Variants in ABI3BP observed in about 807,000 individuals in gnomAD.
ABI3BP encodes the protein ABI family member 3 binding protein.
A neutral mutation model predicts 268.6 loss-of-function variants in ABI3BP; 216 were observed. The ratio of observed to expected loss-of-function variants is 0.80; its 90% confidence interval spans 0.72 to 0.90. The LOEUF (loss-of-function observed/expected upper bound fraction) is 0.90. Ranked by LOEUF, ABI3BP falls within the 40% of genes least tolerant of loss-of-function variation. ABI3BP has a pLI of 0.00. For missense variants in ABI3BP, 2,090 were observed against 2,182.4 expected (o/e 0.96, Z 0.84); for synonymous variants, 730 against 730.0 (o/e 1.00, Z 0.00).
intron 1 of ABI3BP, among the ~76,000 whole-genome samples, chr3:100,956,790 G>T (rs1584865353): frequency 6.6e-6 from 1 of 152,308 alleles, no homozygotes. Flanking sequence ...AACAGATCAT[G>T]ATAATAATGG....
At chr3:100,779,799 G>A (rs937706360) in intron 58 of ABI3BP, among the ~76,000 whole-genome samples, 3 of 152,072 alleles carry the variant, frequency 2.0e-5, no homozygotes, top group Non-Finnish European at 4.4e-5. Context: ...AATTACACAA[G>A]AGCAGAACTT....
chr3:100,861,765 G>A (rs985298230), intron 14 of ABI3BP, among the ~76,000 whole-genome samples: 2 of 151,686 alleles, frequency 1.3e-5, no homozygotes, highest in Admixed American at 6.6e-5. Context: ...GTAGAGGAAA[G>A]TAGCCATCAC....
chr3:100,843,948 G>A, intron 20 of ABI3BP: 1 of 985,240 alleles, frequency 1.0e-6, no homozygotes, highest in Non-Finnish European at 1.2e-6. Flanking sequence ...GCATTTTTGA[G>A]TTCCTGGCTG....
At chr3:100,830,334 T>C (rs1326556440) in intron 32 of ABI3BP, among the ~76,000 whole-genome samples, 2 of 151,480 alleles carry the variant, frequency 1.3e-5, no homozygotes, top group African/African-American at 4.9e-5. Flanking sequence ...AAATGTTATG[T>C]GGGGGCAAGA....
chr3:100,895,044 G>A (rs1330620110), intron 4 of ABI3BP, among the ~76,000 whole-genome samples: 1 of 148,494 alleles, frequency 6.7e-6, no homozygotes, highest in Admixed American at 6.7e-5. Context: ...GCTTTAATAC[G>A]CTGGCAAAAG....
chr3:100,977,881 T>C (rs2153931657), intron 1 of ABI3BP, among the ~76,000 whole-genome samples: 1 of 152,162 alleles, frequency 6.6e-6, no homozygotes, highest in East Asian at 1.9e-4. Context: ...TTACAAAGTA[T>C]GAGATTTTTC....
At chr3:100,885,195 ATGT>A (rs2041364294) in intron 6 of ABI3BP, among the ~76,000 whole-genome samples, 1 of 152,088 alleles carries the variant, frequency 6.6e-6, no homozygotes, top group African/African-American at 2.4e-5. Context: ...AGCTGTAGCA[ATGT>A]ACATAAATCA....
In ABI3BP at chr3:100,862,847, C is replaced by T. The variant is rs751489151; in HGVS notation, c.1201G>A (p.Gly401Ser). ...KTPFPFEKPR[G>S]TLASSEKPWI... ...AAGGTACTCTTATTACCCAATGTGC[C>T]CCTAGGTTTCTCAAAAGGGAAGGGT... Residue 401 changes from glycine to serine, a missense_variant, in exon 13 of 68, where the codon GGC becomes AGC. Coordinates refer to ENST00000471714, the MANE Select transcript of ABI3BP (RefSeq NM_001375547.2). 2.0e-6 allele frequency: 3 copies of T among 1,534,984 alleles called. No homozygotes were observed. The highest frequency in any genetic ancestry group is 2.4e-5 in the South Asian group (2 of 84,008).
chr3:100,910,327 G>A (rs1289670607), intron 2 of ABI3BP, among the ~76,000 whole-genome samples: 2 of 151,994 alleles, frequency 1.3e-5, no homozygotes, highest in African/African-American at 2.4e-5. Flanking sequence ...GTTGATGAAT[G>A]CAGCAAACCA....
chr3:100,750,444 T>C lies in ABI3BP; in HGVS notation c.*51A>G, dbSNP rs2095248273. On this transcript the variant is annotated 3_prime_UTR_variant, in exon 68 of 68. Transcript: ENST00000471714. ...TTTAAATGAATGCGGCATAGTATTT[T>C]CAATGATTTTTGTTTGCAATGATGA... The C allele has an allele frequency of 7.1e-7, 1 of 1,407,790 alleles. No homozygotes were observed. The highest frequency in any genetic ancestry group is 1.0e-6 in the Non-Finnish European group (1 of 998,962). The allele number at this position is 1,407,790 out of a possible 1,614,324, so 87.2% of individuals were successfully genotyped here.
At chr3:100,886,437 G>T in intron 4 of ABI3BP, 114 bp from the exon 5 acceptor site, 1 of 707,412 alleles carries the variant, frequency 1.4e-6, no homozygotes, top group Non-Finnish European at 2.0e-6. Flanking sequence ...TTTAATATTG[G>T]CTTCTCTTCC....
chr3:100,886,235 G>A lies in ABI3BP; in HGVS notation c.550C>T (p.Leu184=). The A allele has an allele frequency of 6.2e-7, 1 of 1,610,708 alleles. No individual in the cohort carries two copies. The highest frequency in any genetic ancestry group is 1.1e-5 in the South Asian group (1 of 90,818). ...AATTCATAAACTGTGTTGGGCTTTA[G>A]GTTTTCCACAATTGTTTCAGTGGCT... ...CPATETIVEN[L]KPNTVYEFGV... is the part of the protein sequence containing the mutation. The change falls in exon 5 of 68, where the codon CTA becomes TTA. Residue 184 remains leucine (L), a synonymous_variant. Transcript: ENST00000471714.
At chr3:100,867,147 T>C (rs1253673354) in intron 9 of ABI3BP, among the ~76,000 whole-genome samples, 191 bp from the exon 10 acceptor site, 1 of 152,190 alleles carries the variant, frequency 6.6e-6, no homozygotes, top group Non-Finnish European at 1.5e-5. Flanking sequence ...TAACCCTACA[T>C]AATTCTTTCT....
intron 27 of ABI3BP, 61 bp downstream of exon 27, chr3:100,837,063 A>G: frequency 1.4e-6 from 2 of 1,420,222 alleles, no homozygotes; most frequent in Non-Finnish European, 1.9e-6. Context: ...GCTAATGAAA[A>G]AAGAGATGAG....
intron 18 of ABI3BP, 130 bp from the exon 19 acceptor site, chr3:100,847,803 T>C: frequency 1.3e-6 from 1 of 744,060 alleles, no homozygotes. Flanking sequence ...TGAGTAAAAG[T>C]TTTGAGGAAG....
chr3:100,889,798 T>C (rs1183100523), intron 4 of ABI3BP, among the ~76,000 whole-genome samples: 1 of 152,108 alleles, frequency 6.6e-6, no homozygotes, highest in Non-Finnish European at 1.5e-5. Flanking sequence ...TGTTATAGCA[T>C]TGAAAAATCC....
At chr3:100,872,593 C>A (rs962990078) in intron 9 of ABI3BP, among the ~76,000 whole-genome samples, 15 of 152,162 alleles carry the variant, frequency 9.9e-5, no homozygotes, top group African/African-American at 3.4e-4. Context: ...GATTGGCCAG[C>A]TCCTTTTTTT....
chr3:100,827,835 G>C lies in ABI3BP; in HGVS notation c.2602+558C>G, dbSNP rs747109663. ...GTTATAAATCATCCAGATTATGATG[G>C]AGACTAGGGGGAATGCAATTTATAC... On this transcript the variant is annotated intron_variant, in intron 34 of 67. Transcript: ENST00000471714. Among the ~76,000 whole-genome samples, 60 of 152,226 alleles carry C rather than the reference G, an allele frequency of 3.9e-4. 1 individual carries two copies. The highest frequency in any genetic ancestry group is 3.4e-3 in the Middle Eastern group (1 of 294).
chr3:100,773,129 A>G (rs1426493502), intron 61 of ABI3BP, among the ~76,000 whole-genome samples: 2 of 151,978 alleles, frequency 1.3e-5, no homozygotes, highest in Admixed American at 6.6e-5. Flanking sequence ...GAATAGCTCC[A>G]TACCTATTAA....
Sources: gnomAD v4.1 joint callset for allele counts (sites outside exome capture counted in the v4.1 genomes callset) on GRCh38, gnomAD v4.1.1 for gene constraint, MANE v1.5 for transcripts, NCBI Gene and HGNC (gene_info 2026-07-23, HGNC 2026-07-21) for gene names.